The following ANKS1B variants were observed in gnomAD, a reference collection of about 807,000 sequenced individuals.
ANKS1B encodes the protein ankyrin repeat and sterile alpha motif domain containing 1B.
ANKS1B carries 36 observed loss-of-function variants against 148.3 expected under a neutral mutation model. The ratio of observed to expected loss-of-function variants is 0.24; its 90% CI spans 0.19 to 0.32. ANKS1B has a LOEUF of 0.32. Among genes scored for constraint, ANKS1B ranks in the 10% least tolerant of loss-of-function variants. ANKS1B has a pLI of 1.00. For synonymous variants in ANKS1B, 542 were observed against 560.8 expected (o/e 0.97, Z 0.47); for missense variants, 1,157 against 1,542.6 (o/e 0.75, Z 4.19).
intron 10 of ANKS1B, among the ~76,000 whole-genome samples, chr12:99,466,969 T>A (rs370800441): frequency 6.6e-6 from 1 of 152,130 alleles, no homozygotes; most frequent in South Asian, 2.1e-4. Flanking sequence ...TACCAAAGCC[T>A]GGCAGAGACA....
chr12:99,711,627 C>A (rs1295171965), intron 8 of ANKS1B, among the ~76,000 whole-genome samples: 1 of 151,966 alleles, frequency 6.6e-6, no homozygotes, highest in East Asian at 1.9e-4. Context: ...TAGAGAAATG[C>A]AAATCAAAAC....
intron 10 of ANKS1B, among the ~76,000 whole-genome samples, chr12:99,497,984 C>G (rs1471560947): frequency 1.3e-5 from 2 of 152,136 alleles, no homozygotes; most frequent in African/African-American, 2.4e-5. Context: ...AATGCATTCC[C>G]TGAAGTACAA....
intron 8 of ANKS1B, among the ~76,000 whole-genome samples, chr12:99,694,426 G>A (rs564410545): frequency 4.0e-5 from 6 of 149,532 alleles, no homozygotes; most frequent in African/African-American, 9.8e-5. Flanking sequence ...GTGACAGAGT[G>A]AGACTTCATC....
rs375577817 is a variant in ANKS1B, at chr12:98,890,229, G to A, written c.2779-58093C>T. ...GGCTTTGTCCCAAATTTGGTTTGGA[G>A]TGAGTTTTTATGACTAATCTACCAG... On this transcript the variant is annotated intron_variant, in intron 17 of 26. Transcript: ENST00000683438. Among the ~76,000 whole-genome samples the A allele has an allele frequency of 2.6e-5, 4 of 152,160 alleles. No individual in the cohort carries two copies. In the East Asian group the frequency reaches 7.7e-4, roughly 29 times the overall value.
chr12:99,345,934 T>C (rs192721548), intron 12 of ANKS1B, among the ~76,000 whole-genome samples: 21 of 152,160 alleles, frequency 1.4e-4, no homozygotes, highest in Admixed American at 7.2e-4. Context: ...ACTTTGCACC[T>C]GTCCTAATCA....
intron 14 of ANKS1B, among the ~76,000 whole-genome samples, chr12:99,241,918 TA>T: frequency 6.6e-6 from 1 of 152,182 alleles, no homozygotes; most frequent in Non-Finnish European, 1.5e-5. Flanking sequence ...AAGAGCTATT[TA>T]TGACAAACCC....
intron 4 of ANKS1B, among the ~76,000 whole-genome samples, chr12:99,804,089 A>C (rs2067300776): frequency 6.6e-6 from 1 of 152,214 alleles, no homozygotes; most frequent in African/African-American, 2.4e-5. Context: ...CATCTAGTAC[A>C]AAACATGAAA....
Position 98,744,971 on chromosome 12 carries a change from G to T in ANKS1B, c.*768C>A. On this transcript the variant is annotated 3_prime_UTR_variant, in exon 27 of 27. Coordinates refer to ENST00000683438, the MANE Select transcript of ANKS1B (RefSeq NM_001352186.2). ...CAGTAGAAATTTAATTATTTGAAAT[G>T]AAACCAGAAACATCCCTCGCAACTA... is the stretch of plus-strand genomic sequence containing the variant. The T allele has an allele frequency of 2.0e-6, 2 of 985,790 alleles. No homozygotes were observed. The highest frequency in any genetic ancestry group is 2.4e-6 in the Non-Finnish European group (2 of 829,908). The allele number at this position is 985,790 out of a possible 1,614,324, so 61.1% of individuals were successfully genotyped here.
At chr12:99,626,600 G>A (rs2098114706) in intron 9 of ANKS1B, among the ~76,000 whole-genome samples, 1 of 151,702 alleles carries the variant, frequency 6.6e-6, no homozygotes, top group South Asian at 2.1e-4. Context: ...TCTTCTTCAT[G>A]ACCACCCCAA....
At chr12:99,884,355 A>G (rs1052056713) in intron 1 of ANKS1B, among the ~76,000 whole-genome samples, 1 of 152,186 alleles carries the variant, frequency 6.6e-6, no homozygotes, top group African/African-American at 2.4e-5. Flanking sequence ...GTTTCTGACA[A>G]AGGTAAACAT....
intron 17 of ANKS1B, among the ~76,000 whole-genome samples, chr12:98,944,452 C>A (rs2099842057): frequency 6.6e-6 from 1 of 152,016 alleles, no homozygotes; most frequent in Non-Finnish European, 1.5e-5. Context: ...GAACCATAAG[C>A]CAAAATAAAT....
intron 14 of ANKS1B, among the ~76,000 whole-genome samples, chr12:99,208,211 C>T (rs778779906): frequency 6.6e-6 from 1 of 152,010 alleles, no homozygotes; most frequent in Admixed American, 6.6e-5. Flanking sequence ...AAACTGAATC[C>T]TCTCTATTAA....
chr12:98,967,796 C>CCTAAAT (rs2099879802), intron 17 of ANKS1B, among the ~76,000 whole-genome samples: 1 of 150,128 alleles, frequency 6.7e-6, no homozygotes, highest in Non-Finnish European at 1.5e-5. Flanking sequence ...AAATTGATCA[C>CCTAAAT]CTAAATCATA....
chr12:99,510,750 AGT>A (rs1407180182), intron 9 of ANKS1B, among the ~76,000 whole-genome samples: 2 of 152,046 alleles, frequency 1.3e-5, no homozygotes, highest in African/African-American at 4.8e-5. Flanking sequence ...AAGAAGTTCT[AGT>A]GTGAGTAAAA....
chr12:98,871,757 T>C (rs2099670630), intron 17 of ANKS1B, among the ~76,000 whole-genome samples: 1 of 152,146 alleles, frequency 6.6e-6, no homozygotes, highest in Non-Finnish European at 1.5e-5. Context: ...TGATGATCCA[T>C]CTAAATCAAG....
intron 12 of ANKS1B, among the ~76,000 whole-genome samples, chr12:99,313,791 A>G (rs2083554985): frequency 6.6e-6 from 1 of 152,206 alleles, no homozygotes; most frequent in African/African-American, 2.4e-5. Flanking sequence ...GCTATTTATG[A>G]CAAACCCACA....
At chr12:99,454,429 A>T (rs28519640) in intron 10 of ANKS1B, among the ~76,000 whole-genome samples, 6,198 of 152,204 alleles carry the variant, frequency 0.041, 421 homozygotes, top group African/African-American at 0.14. Flanking sequence ...CAAGCCAATA[A>T]GAACTTTGGT....
At chr12:99,711,321 T>C (rs2056605521) in intron 8 of ANKS1B, among the ~76,000 whole-genome samples, 1 of 152,150 alleles carries the variant, frequency 6.6e-6, no homozygotes, top group African/African-American at 2.4e-5. Flanking sequence ...ATGGTTCATA[T>C]GCAAGTTTGT....
chr12:99,323,901 A>T (rs186234022), intron 12 of ANKS1B, among the ~76,000 whole-genome samples: 1 of 152,094 alleles, frequency 6.6e-6, no homozygotes, highest in African/African-American at 2.4e-5. Context: ...AACTTCTTGT[A>T]TAATATTTTT....
Sources: allele counts gnomAD v4.1 joint callset (sites outside exome capture counted in the v4.1 genomes callset), GRCh38; gene constraint gnomAD v4.1.1; transcripts MANE v1.5; gene names NCBI Gene and HGNC (gene_info 2026-07-23, HGNC 2026-07-21).